Variants in SULF1 observed in about 807,000 individuals in gnomAD.
SULF1 encodes the protein extracellular sulfatase Sulf-1.
A neutral mutation model predicts 110.5 loss-of-function variants in SULF1; 46 were observed. The ratio of observed to expected loss-of-function variants is 0.42; its 90% CI spans 0.33 to 0.53. The LOEUF (loss-of-function observed/expected upper bound fraction) is 0.53, where lower values mean the gene tolerates loss of function less well. Among genes scored for constraint, SULF1 ranks in the 20% least tolerant of loss-of-function variants. The probability of loss-of-function intolerance (pLI) is 0.12; values close to 1 mark genes in which losing one functional copy is unlikely to be tolerated. For synonymous variants in SULF1, 371 were observed against 387.1 expected (o/e 0.96, Z 0.49); for missense variants, 941 against 1,094.2 (o/e 0.86, Z 1.98).
At chr8:69,503,729 G>A (rs1810971585) in intron 3 of SULF1, among the ~76,000 whole-genome samples, 1 of 152,146 alleles carries the variant, frequency 6.6e-6, no homozygotes, top group South Asian at 2.1e-4. Context: ...AGGTCCCTGA[G>A]GATCTGATTT....
chr8:69,496,381 A>T (rs567031942), intron 2 of SULF1, among the ~76,000 whole-genome samples: 1 of 152,352 alleles, frequency 6.6e-6, no homozygotes, highest in East Asian at 1.9e-4. Flanking sequence ...TCCACTTCTG[A>T]TGGCTCACTT....
chr8:69,635,027 C>T (rs946816969), intron 19 of SULF1, among the ~76,000 whole-genome samples: 4 of 152,212 alleles, frequency 2.6e-5, no homozygotes, highest in African/African-American at 9.6e-5. Context: ...AACTCCTGAA[C>T]TCAGGTGATC....
rs1390730279 is a variant in SULF1, at chr8:69,589,108, T to A, written c.701T>A (p.Phe234Tyr). 4 of 1,613,944 alleles carry A rather than the reference T, an allele frequency of 2.5e-6. No individual in the cohort carries two copies. Among genetic ancestry groups the A allele is most frequent in the Non-Finnish European group, 3.4e-6 (4 of 1,179,994 alleles). Residue 234 changes from phenylalanine to tyrosine, a missense_variant, in exon 8 of 23, where the codon TTT (phenylalanine) becomes TAT (tyrosine). This residue lies in a region of SULF1 where 822 missense variants were observed against 934.3 expected (regional missense o/e 0.88). Transcript: ENST00000402687. The stretch of plus-strand genomic sequence containing the variant: ...GGCCCCGAGGACTCAGCCCCACAGT[T>A]TTCTAAACTGTACCCCAATGCTTCC... ...PHGPEDSAPQ[F>Y]SKLYPNASQH...
intron 3 of SULF1, among the ~76,000 whole-genome samples, chr8:69,518,790 C>G (rs1165036188): frequency 6.6e-6 from 1 of 152,126 alleles, no homozygotes; most frequent in East Asian, 1.9e-4. Flanking sequence ...GGTACAGCCC[C>G]CAGTAATTGT....
intron 19 of SULF1, among the ~76,000 whole-genome samples, chr8:69,636,553 T>A (rs569561092): frequency 8.0e-5 from 12 of 149,968 alleles, no homozygotes; most frequent in African/African-American, 2.5e-4. Flanking sequence ...AAAAAAAAAA[T>A]TGTGCTTCAG....
rs1810379686 is a variant in SULF1, at chr8:69,629,804, ACT to A, written c.2284+128_2284+129del. On this transcript the variant is annotated intron_variant, in intron 19 of 22. Coordinates refer to ENST00000402687, the MANE Select transcript of SULF1 (RefSeq NM_001128205.2). Reference sequence around the variant, plus strand: ...ATTCAAGAGAAAGGCATCATATTCTACTCTATACTGGAAACTCAAATGATTTT... The same window carrying A: ...ATTCAAGAGAAAGGCATCATATTCTACTATACTGGAAACTCAAATGATTTT... 3 of 856,536 alleles carry A rather than the reference ACT, an allele frequency of 3.5e-6. No homozygotes were observed. The African/African-American group carries it at 5.1e-5, about 14-fold the overall frequency. 53.1% of individuals were successfully genotyped at this position (856,536 alleles called of 1,614,324 possible). A position where few individuals can be genotyped will look rare whatever the true frequency, so the allele number is the denominator to read the frequency against.
intron 22 of SULF1, among the ~76,000 whole-genome samples, chr8:69,653,802 C>T (rs1262432783): frequency 1.3e-5 from 2 of 152,178 alleles, no homozygotes; most frequent in African/African-American, 4.8e-5. Context: ...ATAAAAGACA[C>T]TCTTATCTCC....
chr8:69,579,329 G>A (rs1255323451), intron 6 of SULF1, among the ~76,000 whole-genome samples: 2 of 151,902 alleles, frequency 1.3e-5, no homozygotes, highest in Non-Finnish European at 2.9e-5. Flanking sequence ...TGAGATGGGC[G>A]TATCACCTGA....
intron 3 of SULF1, among the ~76,000 whole-genome samples, chr8:69,539,906 A>G (rs1813749160): frequency 6.6e-6 from 1 of 152,190 alleles, no homozygotes; most frequent in Admixed American, 6.5e-5. Context: ...CAGGGAAAAG[A>G]CATGGTTAGG....
intron 1 of SULF1, among the ~76,000 whole-genome samples, chr8:69,479,067 C>G: frequency 6.6e-6 from 1 of 152,204 alleles, no homozygotes; most frequent in East Asian, 1.9e-4. Flanking sequence ...CTTCTGCCCA[C>G]ATCACTCTCC....
At chr8:69,557,733 C>G (rs931095443) in intron 3 of SULF1, among the ~76,000 whole-genome samples, 2 of 152,216 alleles carry the variant, frequency 1.3e-5, no homozygotes, top group African/African-American at 4.8e-5. Context: ...ATAACCAGCA[C>G]TCACCACTGT....
At chr8:69,643,032 G>C (rs1472366695) in intron 22 of SULF1, among the ~76,000 whole-genome samples, 1 of 152,066 alleles carries the variant, frequency 6.6e-6, no homozygotes, top group East Asian at 1.9e-4. Flanking sequence ...CTCCTTACCA[G>C]AGAGCAGATC....
At chr8:69,481,794 T>G (rs1809531820) in intron 1 of SULF1, among the ~76,000 whole-genome samples, 1 of 152,206 alleles carries the variant, frequency 6.6e-6, no homozygotes, top group African/African-American at 2.4e-5. Context: ...AAGGACATGA[T>G]CTCTTTCTTT....
chr8:69,641,615 A>C (rs1459837204), intron 22 of SULF1, among the ~76,000 whole-genome samples: 1 of 152,086 alleles, frequency 6.6e-6, no homozygotes, highest in Non-Finnish European at 1.5e-5. Flanking sequence ...GCACACCTGT[A>C]GTCCCAGCTA....
At chr8:69,505,906 T>A (rs931043995) in intron 3 of SULF1, among the ~76,000 whole-genome samples, 20 of 152,010 alleles carry the variant, frequency 1.3e-4, no homozygotes, top group African/African-American at 1.9e-4. Flanking sequence ...TTTTTTTTTT[T>A]AAATCACACA....
At position 69,627,830 on chromosome 8, in the gene SULF1, G is replaced by C. The variant is rs759346757; in HGVS notation, c.2006G>C (p.Arg669Thr). The C allele has an allele frequency of 3.1e-6, 5 of 1,613,502 alleles. No individual in the cohort carries two copies. The African/African-American group carries it at 4.0e-5, about 13-fold the overall frequency. ...NLREVRGHLK[R>T]RKPEECSCSK... ...AGAGAAGTGAGAGGACATCTGAAGA[G>C]AAGGAAGCCTGAGGAATGTAGCTGC... is the stretch of plus-strand genomic sequence containing the variant. Residue 669 changes from arginine to threonine, a missense_variant, in exon 17 of 23, where the codon AGA becomes ACA. Arg to Thr is a moderately conservative substitution (Grantham distance 71). This residue lies in a region of SULF1 where 822 missense variants were observed against 934.3 expected (regional missense o/e 0.88). Coordinates refer to ENST00000402687, the MANE Select transcript of SULF1 (RefSeq NM_001128205.2).
At position 69,470,349 on chromosome 8, in the gene SULF1, C is replaced by T. The variant is rs976536649; in HGVS notation, c.-391+3399C>T. On this transcript the variant is annotated intron_variant, in intron 1 of 22. Coordinates refer to the SULF1 transcript ENST00000260128. ...ATTCAGCTTTTATTTAGGTTAGAACCATGAAAATTTTTGAAAGGAGATATC... is the reference window on the plus strand; with the variant it reads ...ATTCAGCTTTTATTTAGGTTAGAACTATGAAAATTTTTGAAAGGAGATATC... Among the ~76,000 whole-genome samples the T allele has an allele frequency of 2.6e-5, 4 of 152,204 alleles. No homozygotes were observed. In the South Asian group the frequency reaches 6.2e-4, roughly 24 times the overall value.
chr8:69,484,413 C>T (rs1809617859), intron 1 of SULF1, among the ~76,000 whole-genome samples: 1 of 152,154 alleles, frequency 6.6e-6, no homozygotes, highest in Non-Finnish European at 1.5e-5. Context: ...TTAAAAAGTT[C>T]TTACATGATC....
intron 7 of SULF1, among the ~76,000 whole-genome samples, chr8:69,587,595 A>C (rs1033495816): frequency 6.6e-6 from 1 of 152,198 alleles, no homozygotes; most frequent in Non-Finnish European, 1.5e-5. Context: ...AAAGATGAGA[A>C]AAAAGCATTC....
Sources: allele counts gnomAD v4.1 joint callset (sites outside exome capture counted in the v4.1 genomes callset), GRCh38; gene constraint gnomAD v4.1.1; regional missense constraint gnomAD v4.1.1; transcripts MANE v1.5; gene names NCBI Gene and HGNC (gene_info 2026-07-23, HGNC 2026-07-21).